The following RYR2 variants were observed in gnomAD, a reference collection of about 807,000 sequenced individuals.
RYR2 encodes cardiac muscle ryanodine receptor-calcium release channel.
Under a neutral mutation model 601.1 loss-of-function variants are expected in RYR2, and 227 were observed. The observed-to-expected ratio is 0.38, with a 90% CI of 0.34 to 0.42. The LOEUF (loss-of-function observed/expected upper bound fraction) is 0.42. Ranked by LOEUF, RYR2 falls within the 10% of genes least tolerant of loss-of-function variation. The pLI, the probability that RYR2 is intolerant of heterozygous loss-of-function variation, is 1.00. For missense variants in RYR2, 4,646 were observed against 6,156.5 expected, an observed-to-expected ratio of 0.75 and a Z score of 8.21; for synonymous variants, 2,223 against 2,175.1, an observed-to-expected ratio of 1.02 and a Z score of -0.61.
chr1:237,144,844 C>T (rs761052419), intron 1 of RYR2, among the ~76,000 whole-genome samples: 10 of 152,120 alleles, frequency 6.6e-5, no homozygotes, highest in Middle Eastern at 3.2e-3. Context: ...AAAGTAAATA[C>T]GAGTGAAACA....
chr1:237,094,661 G>GCCTCACTGCAAGCTCCA (rs1667323934), intron 1 of RYR2, among the ~76,000 whole-genome samples: 4 of 152,068 alleles, frequency 2.6e-5, no homozygotes, highest in Admixed American at 2.6e-4. Flanking sequence ...TGCAAACTCC[G>GCCTCACTGCAAGCTCCA]CCTCACTGCA....
intron 1 of RYR2, among the ~76,000 whole-genome samples, chr1:237,043,341 G>C (rs1041923047): frequency 2.0e-5 from 3 of 152,174 alleles, no homozygotes; most frequent in Non-Finnish European, 2.9e-5. Context: ...TCGTGAACGT[G>C]TCGTTCTCTA....
chr1:237,726,532 C>T (rs1690211850), intron 75 of RYR2, among the ~76,000 whole-genome samples: 1 of 152,080 alleles, frequency 6.6e-6, no homozygotes, highest in African/African-American at 2.4e-5. Context: ...AATTTACTCA[C>T]TCCTAATACT....
chr1:237,795,155 C>T, intron 95 of RYR2, 134 bp from the exon 96 acceptor site: 1 of 474,842 alleles, frequency 2.1e-6, no homozygotes. Flanking sequence ...TGATGTTAGC[C>T]AAATTCATTG....
intron 1 of RYR2, among the ~76,000 whole-genome samples, chr1:237,185,043 T>G (rs1237699701): frequency 1.3e-5 from 2 of 151,870 alleles, no homozygotes; most frequent in African/African-American, 4.8e-5. Flanking sequence ...CTAATCTTAT[T>G]TTTTGTAGAG....
chr1:237,594,885 GGTTTTTTTTTTTTTTT>G (rs1675640111), intron 33 of RYR2, among the ~76,000 whole-genome samples: 3 of 79,056 alleles, frequency 3.8e-5, no homozygotes, highest in South Asian at 5.9e-4. Flanking sequence ...AATATCACTG[GGTTTTTTTTTTTTTTT>G]TTTTTTTTTT....
intron 27 of RYR2, among the ~76,000 whole-genome samples, chr1:237,553,031 G>C (rs1254647993): frequency 1.3e-5 from 2 of 151,968 alleles, no homozygotes; most frequent in African/African-American, 4.8e-5. Context: ...TCTTCCGTTT[G>C]TAAGTTGCTT....
At chr1:237,066,571 T>G (rs2148288039) in intron 1 of RYR2, among the ~76,000 whole-genome samples, 1 of 81,200 alleles carries the variant, frequency 1.2e-5, no homozygotes, top group East Asian at 7.4e-4. Context: ...ATCATGGTAT[T>G]AATTTGCTTT....
At position 237,429,330 on chromosome 1, in the gene RYR2, G is replaced by A. The variant is rs554697870; in HGVS notation, c.1005+6082G>A. ...GCCGGGCTAGGAACACAGAAGAATCGGTGGACACAGGGTTATCTCTGCACC... is the reference window on the plus strand; with the variant it reads ...GCCGGGCTAGGAACACAGAAGAATCAGTGGACACAGGGTTATCTCTGCACC... On this transcript the variant is annotated intron_variant, in intron 12 of 104. Coordinates refer to ENST00000366574, the MANE Select transcript of RYR2 (RefSeq NM_001035.3). Among the ~76,000 whole-genome samples the A allele has an allele frequency of 3.3e-5, 5 of 152,224 alleles. No individual in the cohort carries two copies. The South Asian group carries it at 8.3e-4, about 25-fold the overall frequency.
At chr1:237,749,971 T>TC (rs1194561535) in intron 80 of RYR2, among the ~76,000 whole-genome samples, 1 of 151,618 alleles carries the variant, frequency 6.6e-6, no homozygotes, top group Admixed American at 6.6e-5. Flanking sequence ...CATGGTGAAA[T>TC]CCCATCTCTG....
chr1:237,784,415 T>C lies in RYR2; in HGVS notation c.12703T>C (p.Phe4235Leu). Residue 4235 changes from phenylalanine (F) to leucine (L), a missense_variant, in exon 90 of 105, where the codon TTC becomes CTC. Phe to Leu is a conservative substitution (Grantham distance 22, BLOSUM62 0). This residue lies in a region of RYR2 where 364 missense variants were observed against 442.9 expected (regional missense o/e 0.82). Coordinates refer to ENST00000366574, the MANE Select transcript of RYR2 (RefSeq NM_001035.3). This position sits in a 1 kb window ranked among gnomAD's most constrained non-coding sequence, Gnocchi z 7.1. ...GGAAGAGCAGGGGCCGAGGATGGCTTTCTTCTCCATTCTGACGGTCAGGTC... is the reference window on the plus strand; with the variant it reads ...GGAAGAGCAGGGGCCGAGGATGGCTCTCTTCTCCATTCTGACGGTCAGGTC... ...RPEEQGPRMA[F>L]FSILTVRSAL... 1 of 1,613,782 alleles carries C rather than the reference T, an allele frequency of 6.2e-7. No individual in the cohort carries two copies. The highest frequency in any genetic ancestry group is 8.5e-7 in the Non-Finnish European group (1 of 1,179,804).
chr1:237,169,449 C>A (rs1163849529), intron 1 of RYR2, among the ~76,000 whole-genome samples: 1 of 152,082 alleles, frequency 6.6e-6, no homozygotes, highest in Non-Finnish European at 1.5e-5. Flanking sequence ...CAGGTACACG[C>A]CACCATGCCT....
intron 47 of RYR2, 123 bp downstream of exon 47, chr1:237,641,125 T>G (rs997091845): frequency 2.2e-5 from 13 of 588,042 alleles, no homozygotes; most frequent in Admixed American, 9.9e-5. Context: ...AAATAATAGC[T>G]GCAGTCTAAT....
At chr1:237,227,600 G>T (rs1321651513) in intron 1 of RYR2, among the ~76,000 whole-genome samples, 1 of 152,208 alleles carries the variant, frequency 6.6e-6, no homozygotes, top group Admixed American at 6.5e-5. Flanking sequence ...GTCTGCATGG[G>T]TTTTCTCTGG....
chr1:237,618,550 C>T (rs566867556), intron 38 of RYR2, among the ~76,000 whole-genome samples: 35 of 152,174 alleles, frequency 2.3e-4, no homozygotes, highest in African/African-American at 7.2e-4. Context: ...CTAAAGAAGA[C>T]GACAACCAGG....
intron 1 of RYR2, among the ~76,000 whole-genome samples, chr1:237,071,197 C>T (rs12057149): frequency 0.019 from 2,901 of 151,902 alleles, 89 homozygotes; most frequent in African/African-American, 0.066. Context: ...GACGAGTGTG[C>T]GAGTCCAGCT....
chr1:237,193,659 C>T (rs995108830), intron 1 of RYR2, among the ~76,000 whole-genome samples: 2 of 152,056 alleles, frequency 1.3e-5, no homozygotes, highest in African/African-American at 2.4e-5. Context: ...TTTTAAATTG[C>T]AGATGTATTT....
chr1:237,375,350 ACT>A (rs1167430340), intron 7 of RYR2, among the ~76,000 whole-genome samples: 1 of 152,130 alleles, frequency 6.6e-6, no homozygotes, highest in African/African-American at 2.4e-5. Flanking sequence ...TCTTCTCAAT[ACT>A]CTGAGGACTT....
rs201186338 is a variant in RYR2, at chr1:237,423,901, G to A, written c.1005+653G>A. Reference sequence around the variant, plus strand: ...AGGAGTTTAATTGACTTATACTTCCGCATGGCTGGGAAGGCCTCAGGAAAC... The same window carrying A: ...AGGAGTTTAATTGACTTATACTTCCACATGGCTGGGAAGGCCTCAGGAAAC... On this transcript the variant is annotated intron_variant, in intron 12 of 104. Transcript: ENST00000366574. Among the ~76,000 whole-genome samples the A allele has an allele frequency of 1.1e-4, 16 of 152,212 alleles. No individual in the cohort carries two copies. In the East Asian group the frequency reaches 2.1e-3, roughly 20 times the overall value.
Sources: allele counts gnomAD v4.1 joint callset (sites outside exome capture counted in the v4.1 genomes callset), GRCh38; gene constraint gnomAD v4.1.1; regional missense constraint gnomAD v4.1.1; non-coding constraint Gnocchi (gnomAD v3.1); transcripts MANE v1.5; gene names NCBI Gene and HGNC (gene_info 2026-07-23, HGNC 2026-07-21).